ARHGAP32: variants seen among roughly 807,000 people sequenced by gnomAD.
The protein encoded by ARHGAP32 is Rho GTPase activating protein 32.
In ARHGAP32, 51 loss-of-function variants were observed where a neutral mutation model predicts 186.5. The observed-to-expected ratio is 0.27, with a 90% CI of 0.22 to 0.35. ARHGAP32 has a LOEUF of 0.35. Ranked by LOEUF, ARHGAP32 falls within the 10% of genes least tolerant of loss-of-function variation. ARHGAP32 has a pLI of 1.00. For missense variants in ARHGAP32, 2,186 were observed against 2,623.5 expected, an observed-to-expected ratio of 0.83 and a Z score of 3.64; for synonymous variants, 950 against 964.3, an observed-to-expected ratio of 0.99 and a Z score of 0.27.
At chr11:129,005,921 C>T (rs952469412) in intron 11 of ARHGAP32, among the ~76,000 whole-genome samples, 1 of 152,022 alleles carries the variant, frequency 6.6e-6, no homozygotes, top group Admixed American at 6.6e-5. Flanking sequence ...TATAGGCATG[C>T]TTAATTCGTT....
At chr11:129,186,234 T>G (rs1232618227) in intron 1 of ARHGAP32, among the ~76,000 whole-genome samples, 1 of 152,154 alleles carries the variant, frequency 6.6e-6, no homozygotes. Flanking sequence ...GTCTATATCG[T>G]TTGTGTACTC....
At chr11:129,156,179 C>T (rs1051913246) in intron 2 of ARHGAP32, among the ~76,000 whole-genome samples, 3 of 152,208 alleles carry the variant, frequency 2.0e-5, no homozygotes, top group East Asian at 1.9e-4. Context: ...GGGCAGACAC[C>T]GAGCTAGCTG....
chr11:129,185,168 C>G (rs1488768636), intron 1 of ARHGAP32, among the ~76,000 whole-genome samples: 2 of 152,136 alleles, frequency 1.3e-5, no homozygotes, highest in Non-Finnish European at 2.9e-5. Context: ...TTTATTGTGG[C>G]ATTATTCACA....
At chr11:129,250,959 T>A (rs936847747) in intron 1 of ARHGAP32, among the ~76,000 whole-genome samples, 19 of 152,212 alleles carry the variant, frequency 1.2e-4, no homozygotes, top group African/African-American at 4.3e-4. Context: ...TAAATAGTTA[T>A]TTATCCAAGT....
Position 128,970,528 on chromosome 11 carries a change from T to C in ARHGAP32, c.4685A>G (p.His1562Arg). Residue 1562 changes from histidine to arginine, a missense_variant, in exon 23 of 23, where the codon CAC becomes CGC. By Grantham distance (29) the His-to-Arg change is conservative. This residue lies in a region of ARHGAP32 where 1,502 missense variants were observed against 1,570.0 expected (regional missense o/e 0.96). Transcript: ENST00000682385. The surrounding 1 kb of genome is among the most constrained non-coding windows in gnomAD (Gnocchi z 5.8). ...VAPGRNASGHHSKPCSRVEYV... is the reference protein window; with the variant it reads ...VAPGRNASGHRSKPCSRVEYV... The stretch of plus-strand genomic sequence containing the variant: ...CTCGACCCGGCTGCATGGCTTGGAG[T>C]GGTGTCCAGATGCGTTTCTTCCTGG... 1.9e-6 allele frequency: 3 copies of C among 1,613,630 alleles called. No homozygotes were observed. Among genetic ancestry groups the C allele is most frequent in the East Asian group, 2.2e-5 (1 of 44,864 alleles).
intron 1 of ARHGAP32, among the ~76,000 whole-genome samples, chr11:129,245,022 A>G (rs933716387): frequency 1.3e-5 from 2 of 151,934 alleles, no homozygotes; most frequent in African/African-American, 4.8e-5. Flanking sequence ...TAGTTCAACC[A>G]TTGTGGAAGT....
chr11:129,222,830 A>G (rs2135616762), intron 1 of ARHGAP32, among the ~76,000 whole-genome samples: 1 of 152,302 alleles, frequency 6.6e-6, no homozygotes, highest in Admixed American at 6.5e-5. Flanking sequence ...TCTTACTAAA[A>G]TGCAGATTCT....
chr11:129,078,317 A>C (rs1482080611), intron 6 of ARHGAP32, among the ~76,000 whole-genome samples: 2 of 152,132 alleles, frequency 1.3e-5, no homozygotes, highest in Non-Finnish European at 2.9e-5. Flanking sequence ...CAGACCTTGA[A>C]GCCAAGATCT....
At chr11:129,251,869 A>C (rs1294315928) in intron 1 of ARHGAP32, among the ~76,000 whole-genome samples, 1 of 149,634 alleles carries the variant, frequency 6.7e-6, no homozygotes, top group East Asian at 2.0e-4. Context: ...CAGGAGGCGG[A>C]GGTTGCAGTG....
At chr11:128,980,484 A>C in intron 18 of ARHGAP32, 69 bp downstream of exon 18, 1 of 1,297,148 alleles carries the variant, frequency 7.7e-7, no homozygotes, top group South Asian at 1.6e-5. Flanking sequence ...AATTAAAAGC[A>C]AACTAAAAGA....
intron 1 of ARHGAP32, among the ~76,000 whole-genome samples, chr11:129,245,733 C>G (rs1261774119): frequency 3.3e-5 from 5 of 150,948 alleles, no homozygotes; most frequent in Non-Finnish European, 5.9e-5. Flanking sequence ...TGCCTCCTAT[C>G]AGCTTAGTAT....
At position 129,156,867 on chromosome 11, in the gene ARHGAP32, C is replaced by G. The variant is rs185200741; in HGVS notation, c.225+7452G>C. Among the ~76,000 whole-genome samples the G allele has an allele frequency of 5.3e-5, 8 of 152,296 alleles. No homozygotes were observed. The East Asian group carries it at 1.5e-3, about 29-fold the overall frequency. ...TGGCGGGTGCCCCTCTGGGACGAAG[C>G]TTCCAGAGAAAGGAACACACAGCAA... On this transcript the variant is annotated intron_variant, in intron 2 of 22. Coordinates refer to ENST00000682385, the MANE Select transcript of ARHGAP32 (RefSeq NM_001378024.1).
rs759602770 is a variant in ARHGAP32, at chr11:128,973,002, T to C, written c.3504A>G (p.Gln1168=). Residue 1168 remains glutamine (Q), a synonymous_variant, in exon 22 of 23, where the codon CAA becomes CAG. Coordinates refer to ENST00000682385, the MANE Select transcript of ARHGAP32 (RefSeq NM_001378024.1). ...TTTCTGGGTCCCCAGATAAATATGC[T>C]TGATGTGGCTGATTCCCTGTTAAGT... is the stretch of plus-strand genomic sequence containing the variant. The part of the protein sequence containing the change: ...QVDLTGNQPH[Q]AYLSGDPEKA... The C allele has an allele frequency of 2.5e-6, 4 of 1,614,088 alleles. No homozygotes were observed. The highest frequency in any genetic ancestry group is 2.5e-6 in the Non-Finnish European group (3 of 1,180,006).
intron 11 of ARHGAP32, among the ~76,000 whole-genome samples, chr11:129,019,006 T>G (rs1300114785): frequency 6.6e-6 from 1 of 152,222 alleles, no homozygotes; most frequent in African/African-American, 2.4e-5. Flanking sequence ...ACTCTGGCGA[T>G]GTGTTTTTCC....
Position 128,969,827 on chromosome 11 carries a change from C to T in ARHGAP32, c.5386G>A (p.Asp1796Asn), listed in dbSNP as rs1269230638. The T allele has an allele frequency of 3.7e-6, 6 of 1,614,092 alleles. No homozygotes were observed. Among genetic ancestry groups the T allele is most frequent in the Non-Finnish European group, 5.1e-6 (6 of 1,180,052 alleles). The change falls in exon 23 of 23, where the codon GAC (aspartate) becomes AAC (asparagine). Residue 1796 changes from aspartate (D) to asparagine (N), a missense_variant. Around this residue, in one of 5 missense-constraint regions of ARHGAP32, gnomAD observed 1,502 missense variants for 1,570.0 expected, o/e 0.96. Transcript: ENST00000682385. The surrounding 1 kb of genome is among the most constrained non-coding windows in gnomAD (Gnocchi z 4.8). ...ATGACATAGATCCCACCCAAGTCGT[C>T]CTGCACCGCCGGGGTCATGTTATCA... ...QYDNMTPAVQDDLGGIYVIHL... is the reference protein window; with the variant it reads ...QYDNMTPAVQNDLGGIYVIHL...
At chr11:129,193,575 T>TATATATTATATATAATATATA (rs1565464566), upstream of ARHGAP32, among the ~76,000 whole-genome samples, 1,701 of 53,868 alleles carry the variant, frequency 0.032, 102 homozygotes, top group Middle Eastern at 0.048. Flanking sequence ...ATATAATATA[T>TATATATTATATATAATATATA]ATATATTATA....
intron 1 of ARHGAP32, among the ~76,000 whole-genome samples, chr11:129,278,920 C>T (rs1393428967): frequency 2.8e-5 from 4 of 144,956 alleles, no homozygotes; most frequent in Non-Finnish European, 1.5e-5. Flanking sequence ...GAGCGCGGGG[C>T]GCGGGCGCGG....
chr11:129,094,530 T>C (rs554794), intron 5 of ARHGAP32, among the ~76,000 whole-genome samples: 21,714 of 152,142 alleles, frequency 0.14, 1,680 homozygotes, highest in Non-Finnish European at 0.16. Flanking sequence ...ATTGGGAAGA[T>C]TGGACCTACA....
At chr11:129,013,227 G>C (rs1938171877) in intron 11 of ARHGAP32, among the ~76,000 whole-genome samples, 1 of 152,200 alleles carries the variant, frequency 6.6e-6, no homozygotes, top group African/African-American at 2.4e-5. Context: ...GCACTCCAGG[G>C]CTCTGGGAAA....
Sources: allele counts gnomAD v4.1 joint callset (sites outside exome capture counted in the v4.1 genomes callset), GRCh38; gene constraint gnomAD v4.1.1; regional missense constraint gnomAD v4.1.1; non-coding constraint Gnocchi (gnomAD v3.1); transcripts MANE v1.5; gene names NCBI Gene and HGNC (gene_info 2026-07-23, HGNC 2026-07-21).